RNGTT: variants seen among roughly 807,000 people sequenced by gnomAD.
The protein encoded by RNGTT is RNA guanylyltransferase and 5'-phosphatase.
Under a neutral mutation model 79.3 loss-of-function variants are expected in RNGTT, and 33 were observed. The ratio of observed to expected loss-of-function variants is 0.42; its 90% confidence interval spans 0.32 to 0.56. The LOEUF (loss-of-function observed/expected upper bound fraction) is 0.56, where lower values mean the gene tolerates loss of function less well. Among genes scored for constraint, RNGTT ranks in the 20% least tolerant of loss-of-function variants. RNGTT has a pLI of 0.17. For synonymous variants in RNGTT, 222 were observed against 235.9 expected (o/e 0.94, Z 0.54); for missense variants, 497 against 739.1 (o/e 0.67, Z 3.80).
intron 13 of RNGTT, among the ~76,000 whole-genome samples, chr6:88,756,114 A>G (rs1311153564): frequency 6.6e-6 from 1 of 152,154 alleles, no homozygotes; most frequent in Non-Finnish European, 1.5e-5. Context: ...GTTCAGGTTA[A>G]CAAAGAGGAA....
chr6:88,893,332 CAAAG>C (rs1409952212), intron 6 of RNGTT, among the ~76,000 whole-genome samples: 1 of 151,984 alleles, frequency 6.6e-6, no homozygotes, highest in Non-Finnish European at 1.5e-5. Context: ...AAGTTTTACA[CAAAG>C]AAAGTCTCTA....
chr6:88,674,830 C>T (rs1198624737), intron 14 of RNGTT, among the ~76,000 whole-genome samples: 1 of 152,152 alleles, frequency 6.6e-6, no homozygotes, highest in Non-Finnish European at 1.5e-5. Context: ...GGTGCAGTGG[C>T]TCATGCCTGT....
chr6:88,847,046 C>T (rs1486663157), intron 10 of RNGTT, among the ~76,000 whole-genome samples: 1 of 151,894 alleles, frequency 6.6e-6, no homozygotes, highest in African/African-American at 2.4e-5. Context: ...AACACATATC[C>T]TAACAAATAC....
At chr6:88,896,568 T>C (rs569103803) in intron 6 of RNGTT, among the ~76,000 whole-genome samples, 3 of 152,130 alleles carry the variant, frequency 2.0e-5, no homozygotes, top group Non-Finnish European at 2.9e-5. Flanking sequence ...GATGCGATAT[T>C]AAGAAGAAAG....
Position 88,963,615 on chromosome 6 carries a change from A to C in RNGTT, c.-206T>G. 3 of 456,732 alleles carry C rather than the reference A, an allele frequency of 6.6e-6. No individual in the cohort carries two copies. Among genetic ancestry groups the C allele is most frequent in the Non-Finnish European group, 1.2e-5 (3 of 259,974 alleles). 28.3% of individuals were successfully genotyped at this position (456,732 alleles called of 1,614,324 possible). A position where few individuals can be genotyped will look rare whatever the true frequency, so the allele number is the denominator to read the frequency against. ...CTCCACAGCTCCAGGAGAACCCACA[A>C]TGCACCGCAACTTCCGCCCCCGAAA... is the stretch of plus-strand genomic sequence containing the variant. On this transcript the variant is annotated 5_prime_UTR_variant, in exon 1 of 16. Transcript: ENST00000369485.
At chr6:88,848,319 C>G (rs2064632) in intron 10 of RNGTT, among the ~76,000 whole-genome samples, 5 of 151,806 alleles carry the variant, frequency 3.3e-5, no homozygotes, top group African/African-American at 1.2e-4. Flanking sequence ...AATGACGGAA[C>G]AGAGTTTTTA....
intron 8 of RNGTT, among the ~76,000 whole-genome samples, chr6:88,859,712 T>C (rs974513646): frequency 6.6e-6 from 1 of 152,124 alleles, no homozygotes; most frequent in Non-Finnish European, 1.5e-5. Context: ...GCAAGACTGG[T>C]GCAGAGAGTG....
chr6:88,663,994 T>C (rs1774285664), intron 14 of RNGTT, among the ~76,000 whole-genome samples: 1 of 152,208 alleles, frequency 6.6e-6, no homozygotes, highest in Non-Finnish European at 1.5e-5. Context: ...CAGTTGCTCA[T>C]GTACCTCTTT....
intron 12 of RNGTT, among the ~76,000 whole-genome samples, chr6:88,777,448 TAAC>T (rs1314995205): frequency 6.6e-6 from 1 of 152,212 alleles, no homozygotes; most frequent in Admixed American, 6.5e-5. Context: ...ATGGACATCT[TAAC>T]AATGTAAATC....
chr6:88,962,975 C>G (rs991837783), intron 1 of RNGTT, among the ~76,000 whole-genome samples: 1 of 149,068 alleles, frequency 6.7e-6, no homozygotes, highest in Non-Finnish European at 1.5e-5. Context: ...CTCCTTAACC[C>G]TCCTCCATCT....
intron 13 of RNGTT, among the ~76,000 whole-genome samples, chr6:88,692,058 T>C (rs1024298933): frequency 2.6e-5 from 4 of 152,152 alleles, no homozygotes; most frequent in Non-Finnish European, 5.9e-5. Flanking sequence ...TACATTAAAA[T>C]GTACAGACTC....
At chr6:88,692,313 G>T (rs1775510550) in intron 13 of RNGTT, among the ~76,000 whole-genome samples, 1 of 152,106 alleles carries the variant, frequency 6.6e-6, no homozygotes, top group Admixed American at 6.6e-5. Flanking sequence ...AAATGAAATT[G>T]TATGTCCACA....
At chr6:88,715,502 T>C (rs369133024) in intron 13 of RNGTT, among the ~76,000 whole-genome samples, 2 of 152,162 alleles carry the variant, frequency 1.3e-5, no homozygotes, top group East Asian at 3.9e-4. Context: ...GAGCCCGCAT[T>C]GCCAAGTCAA....
In RNGTT at chr6:88,904,595, A is replaced by G. The variant is rs185446005; in HGVS notation, c.684+120T>C. 86 of 1,209,562 alleles carry G rather than the reference A, an allele frequency of 7.1e-5. 1 individual carries two copies. The East Asian group carries it at 2.1e-3, about 30-fold the overall frequency. 74.9% of individuals were successfully genotyped at this position (1,209,562 alleles called of 1,614,324 possible). A position where few individuals can be genotyped will look rare whatever the true frequency, so the allele number is the denominator to read the frequency against. On this transcript the variant is annotated intron_variant, in intron 6 of 15. Transcript: ENST00000369485. ...AAAAATTTTTTTTTTAGAAAGGGCT[A>G]GGATGAATCATCTGACAAACCTAGC...
At chr6:88,792,505 A>G (rs1267815366) in intron 12 of RNGTT, among the ~76,000 whole-genome samples, 1 of 152,250 alleles carries the variant, frequency 6.6e-6, no homozygotes, top group African/African-American at 2.4e-5. Flanking sequence ...ATGAGTAAGA[A>G]TTATTAGAAA....
intron 14 of RNGTT, among the ~76,000 whole-genome samples, chr6:88,663,406 C>T (rs562820115): frequency 1.4e-4 from 22 of 152,286 alleles, no homozygotes; most frequent in Non-Finnish European, 3.1e-4. Context: ...TAAATCAGGA[C>T]ACCCAGACCA....
chr6:88,612,631 G>A lies in RNGTT; in HGVS notation c.*88C>T, dbSNP rs1475242365. ...TGTGTATCAACATCAAGCCACAGTC[G>A]TTTTTCAATTTCTCTGGCTACAAAA... On this transcript the variant is annotated 3_prime_UTR_variant, in exon 16 of 16. Transcript: ENST00000369485. 12 of 1,381,952 alleles carry A rather than the reference G, an allele frequency of 8.7e-6. No individual in the cohort carries two copies. Among genetic ancestry groups the A allele is most frequent in the East Asian group, 2.3e-5 (1 of 43,124 alleles). 85.6% of individuals were successfully genotyped at this position (1,381,952 alleles called of 1,614,324 possible).
At chr6:88,740,534 A>G (rs1777451151) in intron 13 of RNGTT, among the ~76,000 whole-genome samples, 1 of 151,936 alleles carries the variant, frequency 6.6e-6, no homozygotes, top group Non-Finnish European at 1.5e-5. Context: ...AAAAAACAAG[A>G]AAGGAAAGAA....
intron 13 of RNGTT, among the ~76,000 whole-genome samples, chr6:88,738,237 T>C (rs1170216102): frequency 6.6e-6 from 1 of 152,140 alleles, no homozygotes; most frequent in African/African-American, 2.4e-5. Context: ...GAGCATCCTA[T>C]AATACATTTG....
Sources: allele counts gnomAD v4.1 joint callset (sites outside exome capture counted in the v4.1 genomes callset), GRCh38; gene constraint gnomAD v4.1.1; transcripts MANE v1.5; gene names NCBI Gene and HGNC (gene_info 2026-07-23, HGNC 2026-07-21).